PRKCB: variants seen among roughly 807,000 people sequenced by gnomAD.
The protein encoded by PRKCB is protein kinase C beta type.
A neutral mutation model predicts 81.5 loss-of-function variants in PRKCB; 13 were observed. That is an observed-to-expected ratio of 0.16 (90% CI 0.10 to 0.25). The LOEUF (loss-of-function observed/expected upper bound fraction) is 0.25. PRKCB is among the 10% of genes least tolerant of loss of function. The probability of loss-of-function intolerance (pLI) is 1.00; values close to 1 mark genes in which losing one functional copy is unlikely to be tolerated. For missense variants in PRKCB, 509 were observed against 875.7 expected (o/e 0.58, Z 5.29); for synonymous variants, 335 against 321.4 (o/e 1.04, Z -0.45).
chr16:24,047,185 A>C (rs1182271664), intron 5 of PRKCB, among the ~76,000 whole-genome samples: 1 of 151,518 alleles, frequency 6.6e-6, no homozygotes, highest in African/African-American at 2.4e-5. Context: ...AAAAATACAA[A>C]AAAAAAATTA....
At chr16:23,866,038 C>T (rs1266910893) in intron 2 of PRKCB, among the ~76,000 whole-genome samples, 1 of 10,612 alleles carries the variant, frequency 9.4e-5, no homozygotes, top group East Asian at 0.026. Flanking sequence ...TCTTTTCACA[C>T]CTAAGTGAAA....
chr16:23,839,646 G>T (rs1962233402), intron 2 of PRKCB, among the ~76,000 whole-genome samples: 2 of 152,184 alleles, frequency 1.3e-5, no homozygotes, highest in South Asian at 2.1e-4. Flanking sequence ...GTAGAGAAGT[G>T]GGCATTTGCA....
At chr16:23,999,974 C>T (rs1449455071) in intron 3 of PRKCB, among the ~76,000 whole-genome samples, 1 of 152,146 alleles carries the variant, frequency 6.6e-6, no homozygotes, top group Non-Finnish European at 1.5e-5. Flanking sequence ...TGGCATCATC[C>T]TCCATCCAAC....
intron 9 of PRKCB, among the ~76,000 whole-genome samples, chr16:24,125,279 AT>A (rs1966841268): frequency 6.6e-6 from 1 of 152,084 alleles, no homozygotes; most frequent in Admixed American, 6.6e-5. Flanking sequence ...AAGCAATTCT[AT>A]GTTACATCCT....
At chr16:23,991,999 T>G (rs897233891) in intron 3 of PRKCB, among the ~76,000 whole-genome samples, 1 of 152,208 alleles carries the variant, frequency 6.6e-6, no homozygotes, top group African/African-American at 2.4e-5. Flanking sequence ...GGTGATCAGT[T>G]CATGGGGGAA....
intron 2 of PRKCB, among the ~76,000 whole-genome samples, chr16:23,881,530 G>A (rs139877468): frequency 2.7e-4 from 41 of 152,142 alleles, no homozygotes; most frequent in African/African-American, 9.9e-4. Flanking sequence ...GGGATTACAG[G>A]CGTGAGCCAC....
At chr16:24,119,702 C>G (rs1440857076) in intron 8 of PRKCB, among the ~76,000 whole-genome samples, 1 of 152,130 alleles carries the variant, frequency 6.6e-6, no homozygotes, top group African/African-American at 2.4e-5. Flanking sequence ...GAGACGGCTT[C>G]TGTCCTACCC....
At chr16:23,980,580 A>G (rs1964684015) in intron 2 of PRKCB, among the ~76,000 whole-genome samples, 1 of 152,196 alleles carries the variant, frequency 6.6e-6, no homozygotes, top group Non-Finnish European at 1.5e-5. Flanking sequence ...ATGAGTGTTC[A>G]AACGAAGGTC....
chr16:24,216,626 G>A lies in PRKCB; in HGVS notation c.*1810G>A. 1 of 985,380 alleles carries A rather than the reference G, an allele frequency of 1.0e-6. No homozygotes were observed. Among genetic ancestry groups the A allele is most frequent in the Non-Finnish European group, 1.2e-6 (1 of 829,962 alleles). The allele number at this position is 985,380 out of a possible 1,614,324, so 61.0% of individuals were successfully genotyped here. A position where few individuals can be genotyped will look rare whatever the true frequency, so the allele number is the denominator to read the frequency against. ...GGGTTTGGATTTCTGCTTAGGCAAA[G>A]TCTCCTGCAGTTCATCCTTCTCTGT... is the stretch of plus-strand genomic sequence containing the variant. On this transcript the variant is annotated 3_prime_UTR_variant, in exon 17 of 17. Transcript: ENST00000643927.
chr16:23,843,084 TA>T (rs1291491169), intron 2 of PRKCB, among the ~76,000 whole-genome samples: 3 of 152,234 alleles, frequency 2.0e-5, no homozygotes, highest in Non-Finnish European at 4.4e-5. Flanking sequence ...AGTGGGTAAT[TA>T]ACATGTGTAG....
intron 2 of PRKCB, among the ~76,000 whole-genome samples, chr16:23,982,990 A>G (rs1336864113): frequency 2.6e-5 from 4 of 152,140 alleles, no homozygotes; most frequent in Non-Finnish European, 5.9e-5. Context: ...CAACCTTTGT[A>G]GAGCAAGGGG....
chr16:23,954,404 G>A (rs746760047), intron 2 of PRKCB, among the ~76,000 whole-genome samples: 13 of 152,236 alleles, frequency 8.5e-5, no homozygotes, highest in Non-Finnish European at 1.8e-4. Context: ...CCCTTCCTCA[G>A]TAAGGATGAT....
At chr16:24,021,298 CCTTCCTTCCTTCCTTCCTTCCTTCCTT>C (rs1965392321) in intron 3 of PRKCB, among the ~76,000 whole-genome samples, 3 of 12,926 alleles carry the variant, frequency 2.3e-4, no homozygotes, top group African/African-American at 8.8e-4. Flanking sequence ...TCCCTCCCTT[CCTTCCTTCCTTCCTTCCTTCCTTCCTT>C]CCTTCCTTCC....
chr16:23,865,763 T>C (rs953569048), intron 2 of PRKCB, among the ~76,000 whole-genome samples: 1 of 151,404 alleles, frequency 6.6e-6, no homozygotes, highest in East Asian at 1.9e-4. Context: ...ATTGCATAGA[T>C]TGGATCCTTT....
At chr16:24,140,283 T>C (rs1276090640) in intron 9 of PRKCB, among the ~76,000 whole-genome samples, 1 of 152,188 alleles carries the variant, frequency 6.6e-6, no homozygotes, top group African/African-American at 2.4e-5. Context: ...TCATTTCTGG[T>C]CAAAGTTGGA....
At chr16:23,916,003 G>T (rs1435322879) in intron 2 of PRKCB, among the ~76,000 whole-genome samples, 3 of 151,944 alleles carry the variant, frequency 2.0e-5, no homozygotes, top group Non-Finnish European at 4.4e-5. Flanking sequence ...AATATATGAT[G>T]AATGTCTTTC....
chr16:23,948,026 G>T (rs1208655003), intron 2 of PRKCB, among the ~76,000 whole-genome samples: 1 of 152,042 alleles, frequency 6.6e-6, no homozygotes, highest in African/African-American at 2.4e-5. Flanking sequence ...TGTCAATCAG[G>T]TGAGTCCTTG....
At chr16:23,909,321 A>C (rs1035790428) in intron 2 of PRKCB, among the ~76,000 whole-genome samples, 5 of 152,148 alleles carry the variant, frequency 3.3e-5, no homozygotes, top group African/African-American at 1.2e-4. Context: ...TGGGTGGCTT[A>C]AGTGACGGAA....
intron 9 of PRKCB, among the ~76,000 whole-genome samples, chr16:24,129,599 A>G (rs1966850265): frequency 6.6e-6 from 1 of 151,936 alleles, no homozygotes; most frequent in Admixed American, 6.6e-5. Context: ...TCTGTTATCT[A>G]TCTACCCATC....
Sources: allele counts gnomAD v4.1 joint callset (sites outside exome capture counted in the v4.1 genomes callset), GRCh38; gene constraint gnomAD v4.1.1; transcripts MANE v1.5; gene names NCBI Gene and HGNC (gene_info 2026-07-23, HGNC 2026-07-21).